The following CSMD1 variants were observed in gnomAD, a reference collection of about 807,000 sequenced individuals.
The protein encoded by CSMD1 is CUB and Sushi multiple domains 1.
CSMD1 carries 213 observed loss-of-function variants against 417.5 expected under a neutral mutation model. The observed-to-expected ratio is 0.51, with a 90% CI of 0.46 to 0.57. The LOEUF (loss-of-function observed/expected upper bound fraction) is 0.57, where lower values mean the gene tolerates loss of function less well. Among genes scored for constraint, CSMD1 ranks in the 20% least tolerant of loss-of-function variants. The pLI, the probability that CSMD1 is intolerant of heterozygous loss-of-function variation, is 0.00. For synonymous variants in CSMD1, 2,862 were observed against 1,736.8 expected, an observed-to-expected ratio of 1.65 and a Z score of -16.11; for missense variants, 6,923 against 4,529.7, an observed-to-expected ratio of 1.53 and a Z score of -15.17.
At chr8:4,042,783 C>T (rs2897595) in intron 3 of CSMD1, among the ~76,000 whole-genome samples, 31,429 of 128,938 alleles carry the variant, frequency 0.24, 3,900 homozygotes, top group Middle Eastern at 0.34. Flanking sequence ...GCTGTATCTT[C>T]GCTATACAAT....
chr8:3,503,021 T>C (rs545346053), intron 10 of CSMD1, among the ~76,000 whole-genome samples: 229 of 152,306 alleles, frequency 1.5e-3, no homozygotes, highest in African/African-American at 5.4e-3. Flanking sequence ...CTATGTCTTC[T>C]GATCAATTTT....
At chr8:3,430,717 G>C (rs556405001) in intron 12 of CSMD1, among the ~76,000 whole-genome samples, 1 of 152,236 alleles carries the variant, frequency 6.6e-6, no homozygotes, top group South Asian at 2.1e-4. Context: ...TGAGGCAAGA[G>C]GATCACCTGA....
intron 5 of CSMD1, among the ~76,000 whole-genome samples, chr8:3,824,510 C>T (rs1269272082): frequency 1.3e-5 from 2 of 152,270 alleles, no homozygotes; most frequent in African/African-American, 4.8e-5. Context: ...TAAGCAGCCA[C>T]GACACACTTA....
intron 5 of CSMD1, among the ~76,000 whole-genome samples, chr8:3,968,426 C>T (rs1352682013): frequency 6.6e-6 from 1 of 152,108 alleles, no homozygotes; most frequent in Non-Finnish European, 1.5e-5. Flanking sequence ...TTCACATGGA[C>T]ACACACTCAG....
intron 1 of CSMD1, among the ~76,000 whole-genome samples, chr8:4,832,832 G>A (rs946627477): frequency 3.3e-5 from 5 of 152,124 alleles, no homozygotes; most frequent in East Asian, 1.9e-4. Flanking sequence ...CTCATACCCT[G>A]TGATAAAAGC....
At chr8:3,378,954 A>G (rs763448381) in intron 18 of CSMD1, among the ~76,000 whole-genome samples, 7 of 152,210 alleles carry the variant, frequency 4.6e-5, no homozygotes, top group Non-Finnish European at 8.8e-5. Context: ...ATGAAGTCAA[A>G]TTGTCTCTGT....
chr8:4,235,213 A>T (rs1801973411), intron 3 of CSMD1, among the ~76,000 whole-genome samples: 1 of 152,218 alleles, frequency 6.6e-6, no homozygotes, highest in Admixed American at 6.5e-5. Flanking sequence ...AGAATGGACC[A>T]AGGGTGCAAA....
At chr8:3,951,075 C>G (rs1158854029) in intron 5 of CSMD1, among the ~76,000 whole-genome samples, 1 of 152,158 alleles carries the variant, frequency 6.6e-6, no homozygotes, top group African/African-American at 2.4e-5. Flanking sequence ...GAAAATAATA[C>G]TTGAATTTTA....
chr8:4,461,565 G>C (rs540279085), intron 2 of CSMD1, among the ~76,000 whole-genome samples: 2 of 146,892 alleles, frequency 1.4e-5, no homozygotes, highest in African/African-American at 2.6e-5. Context: ...TGGGGGTGGG[G>C]TGTTGGGGGA....
At chr8:3,268,666 C>T (rs756402179) in intron 26 of CSMD1, among the ~76,000 whole-genome samples, 46 of 152,242 alleles carry the variant, frequency 3.0e-4, no homozygotes, top group Middle Eastern at 3.4e-3. Context: ...TTCCGAATAA[C>T]ATGTTTTTAA....
At chr8:3,412,689 T>C (rs1305643246) in intron 12 of CSMD1, among the ~76,000 whole-genome samples, 1 of 152,216 alleles carries the variant, frequency 6.6e-6, no homozygotes, top group Non-Finnish European at 1.5e-5. Flanking sequence ...GAGTCAGCTC[T>C]ACGAAAGCAA....
At chr8:4,398,602 A>G (rs1036213101) in intron 3 of CSMD1, among the ~76,000 whole-genome samples, 4 of 151,822 alleles carry the variant, frequency 2.6e-5, no homozygotes, top group African/African-American at 7.3e-5. Context: ...TCACCGTGTT[A>G]GCCAGGATTG....
chr8:2,974,757 T>A, intron 55 of CSMD1, 133 bp from the exon 56 acceptor site: 1 of 533,458 alleles, frequency 1.9e-6, no homozygotes, highest in Non-Finnish European at 2.9e-6. Flanking sequence ...GGTACTTATG[T>A]AATTTGTGAG....
At chr8:4,885,990 C>G in intron 1 of CSMD1, among the ~76,000 whole-genome samples, 2 of 122,606 alleles carry the variant, frequency 1.6e-5, no homozygotes, top group Non-Finnish European at 3.7e-5. Context: ...TACTTATTTA[C>G]TTATTTATTT....
intron 1 of CSMD1, among the ~76,000 whole-genome samples, chr8:4,831,136 C>T (rs901047956): frequency 5.3e-5 from 8 of 152,094 alleles, no homozygotes; most frequent in East Asian, 1.9e-4. Context: ...TGTAAAACTT[C>T]GTTAAATCAT....
intron 3 of CSMD1, among the ~76,000 whole-genome samples, chr8:4,093,604 C>G (rs886643277): frequency 1.3e-5 from 2 of 151,936 alleles, no homozygotes; most frequent in African/African-American, 2.4e-5. Context: ...ATGCTTTTTC[C>G]CTATTTGAAA....
chr8:4,216,248 G>T (rs1001067706), intron 3 of CSMD1, among the ~76,000 whole-genome samples: 1 of 151,838 alleles, frequency 6.6e-6, no homozygotes, highest in South Asian at 2.1e-4. Context: ...TTTTCTGCCT[G>T]GAATCCTTTC....
At position 4,502,233 on chromosome 8, in the gene CSMD1, G is replaced by A. The variant is rs540569202; in HGVS notation, c.303-82168C>T. 5.3e-5 allele frequency among the ~76,000 whole-genome samples: 8 copies of A among 151,960 alleles called. No homozygotes were observed. The East Asian group carries it at 5.8e-4, about 11-fold the overall frequency. ...ACTATTGCAGTAGAATGAGCAGAACGTAGAACTAGAAAGTTCTGGGTGCAC... is the reference window on the plus strand; with the variant it reads ...ACTATTGCAGTAGAATGAGCAGAACATAGAACTAGAAAGTTCTGGGTGCAC... On this transcript the variant is annotated intron_variant, in intron 2 of 69. Transcript: ENST00000635120.
chr8:4,553,839 G>T (rs900511741), intron 2 of CSMD1, among the ~76,000 whole-genome samples: 15 of 152,164 alleles, frequency 9.9e-5, no homozygotes, highest in Non-Finnish European at 2.2e-4. Context: ...GATTGGGTTA[G>T]CTGGGAAGAC....
Sources: gnomAD v4.1 joint callset for allele counts (sites outside exome capture counted in the v4.1 genomes callset) on GRCh38, gnomAD v4.1.1 for gene constraint, MANE v1.5 for transcripts, NCBI Gene and HGNC (gene_info 2026-07-23, HGNC 2026-07-21) for gene names.